Variants in IQCM observed in about 807,000 individuals in gnomAD.
The protein encoded by IQCM is IQ domain-containing protein M.
IQCM carries 45 observed loss-of-function variants against 57.6 expected under a neutral mutation model. The ratio of observed to expected loss-of-function variants is 0.78; its 90% CI spans 0.62 to 1.00. The LOEUF (loss-of-function observed/expected upper bound fraction) is 1.00, where lower values mean the gene tolerates loss of function less well. Ranked by LOEUF, IQCM falls within the 50% of genes least tolerant of loss-of-function variation. The pLI, the probability that IQCM is intolerant of heterozygous loss-of-function variation, is 0.00. For synonymous variants in IQCM, 148 were observed against 158.9 expected (o/e 0.93, Z 0.51); for missense variants, 468 against 511.6 (o/e 0.91, Z 0.82).
At chr4:149,522,313 C>T (rs1410856935) in intron 12 of IQCM, among the ~76,000 whole-genome samples, 3 of 152,012 alleles carry the variant, frequency 2.0e-5, no homozygotes, top group Non-Finnish European at 4.4e-5. Context: ...ATATAAAGGA[C>T]CATAAGTATG....
chr4:149,407,225 T>A (rs1490374014), intron 13 of IQCM, among the ~76,000 whole-genome samples: 1 of 152,130 alleles, frequency 6.6e-6, no homozygotes, highest in African/African-American at 2.4e-5. Context: ...AAGGTGGGAT[T>A]TGGGTCCAGC....
At chr4:149,759,990 T>C (rs1285566443) in intron 2 of IQCM, among the ~76,000 whole-genome samples, 2 of 148,710 alleles carry the variant, frequency 1.3e-5, no homozygotes, top group African/African-American at 5.0e-5. Flanking sequence ...ACAAAATGTA[T>C]AAACCTCTAG....
At chr4:149,638,169 T>C (rs1401656437) in intron 7 of IQCM, among the ~76,000 whole-genome samples, 1 of 152,072 alleles carries the variant, frequency 6.6e-6, no homozygotes, top group Non-Finnish European at 1.5e-5. Context: ...AAAATATGCA[T>C]GTGAGAAAGT....
chr4:149,581,599 T>G (rs972902365), intron 9 of IQCM, among the ~76,000 whole-genome samples: 1 of 151,600 alleles, frequency 6.6e-6, no homozygotes. Context: ...CTCGAATCAG[T>G]ATGAGTTATT....
At chr4:149,726,139 GA>G (rs1308034066) in intron 5 of IQCM, among the ~76,000 whole-genome samples, 66 of 127,020 alleles carry the variant, frequency 5.2e-4, no homozygotes, top group Non-Finnish European at 7.2e-4. Flanking sequence ...AAGAAAGAAA[GA>G]AAAGAAAGAA....
At chr4:149,379,265 A>G (rs1730911037) in intron 13 of IQCM, among the ~76,000 whole-genome samples, 1 of 152,190 alleles carries the variant, frequency 6.6e-6, no homozygotes, top group Admixed American at 6.5e-5. Flanking sequence ...GGCACTGCCT[A>G]GTGGAGCTGT....
chr4:149,472,101 G>A (rs1168714261), intron 12 of IQCM, among the ~76,000 whole-genome samples: 2 of 152,148 alleles, frequency 1.3e-5, no homozygotes, highest in African/African-American at 2.4e-5. Flanking sequence ...ATTTAACATA[G>A]TGTTGGAAGT....
chr4:149,690,076 A>G (rs1762836721), intron 5 of IQCM, among the ~76,000 whole-genome samples: 1 of 152,190 alleles, frequency 6.6e-6, no homozygotes, highest in Non-Finnish European at 1.5e-5. Context: ...TACCCAAAGG[A>G]AAAGAAGTCA....
In IQCM at chr4:149,549,970, T is replaced by G. The variant is rs573008244; in HGVS notation, c.1094-1381A>C. Among the ~76,000 whole-genome samples the G allele has an allele frequency of 1.3e-4, 20 of 152,374 alleles. No individual in the cohort carries two copies. The South Asian group carries it at 2.5e-3, about 19-fold the overall frequency. Reference sequence around the variant, plus strand: ...TATATTTAGTGTATTTATGGCTATTTGTCTCTTTTGAAATAAGCAAACTAG... The same window carrying G: ...TATATTTAGTGTATTTATGGCTATTGGTCTCTTTTGAAATAAGCAAACTAG... On this transcript the variant is annotated intron_variant, in intron 11 of 13. Transcript: ENST00000636793.
chr4:149,565,882 G>A (rs564684082), intron 9 of IQCM, among the ~76,000 whole-genome samples: 3 of 152,120 alleles, frequency 2.0e-5, no homozygotes, highest in South Asian at 2.1e-4. Flanking sequence ...TTGTATCAGT[G>A]GCTGATTCAT....
At chr4:149,435,104 G>C (rs1391977413) in intron 12 of IQCM, among the ~76,000 whole-genome samples, 1 of 152,070 alleles carries the variant, frequency 6.6e-6, no homozygotes, top group Non-Finnish European at 1.5e-5. Context: ...ATCTGCTCTT[G>C]TCAATTATTA....
chr4:149,610,891 C>T (rs1333715112), intron 8 of IQCM, among the ~76,000 whole-genome samples: 1 of 152,056 alleles, frequency 6.6e-6, no homozygotes, highest in African/African-American at 2.4e-5. Flanking sequence ...AGTTAAAAAG[C>T]TGCTTCACAG....
chr4:149,747,034 C>T (rs1561228144), intron 2 of IQCM, among the ~76,000 whole-genome samples: 1 of 152,212 alleles, frequency 6.6e-6, no homozygotes, highest in Non-Finnish European at 1.5e-5. Context: ...TATAAGCCCC[C>T]TTCCACTTTT....
At chr4:149,520,800 T>C (rs904727325) in intron 12 of IQCM, among the ~76,000 whole-genome samples, 5 of 152,094 alleles carry the variant, frequency 3.3e-5, no homozygotes, top group African/African-American at 1.2e-4. Flanking sequence ...CTCCAGAAGA[T>C]ATACCACATA....
chr4:149,391,376 T>C (rs541571819), intron 13 of IQCM, among the ~76,000 whole-genome samples: 1 of 151,912 alleles, frequency 6.6e-6, no homozygotes, highest in Non-Finnish European at 1.5e-5. Context: ...AATTTGAGTC[T>C]TTTTTTCTTT....
At chr4:149,559,839 G>T (rs980962330) in intron 10 of IQCM, among the ~76,000 whole-genome samples, 1 of 152,214 alleles carries the variant, frequency 6.6e-6, no homozygotes, top group Non-Finnish European at 1.5e-5. Flanking sequence ...AGCAGGAGGT[G>T]AATTGTGGGT....
chr4:149,672,866 G>A (rs955538174), intron 7 of IQCM, among the ~76,000 whole-genome samples: 5 of 152,132 alleles, frequency 3.3e-5, no homozygotes, highest in Non-Finnish European at 5.9e-5. Flanking sequence ...AATGTTAAGG[G>A]CAGCCAGAGA....
At chr4:149,712,814 T>C (rs1356773528) in intron 5 of IQCM, among the ~76,000 whole-genome samples, 3 of 152,214 alleles carry the variant, frequency 2.0e-5, no homozygotes, top group African/African-American at 7.2e-5. Context: ...AAGAAATCCA[T>C]GTCCCTGGAG....
chr4:149,362,095 T>G (rs894781802), intron 13 of IQCM, among the ~76,000 whole-genome samples: 1 of 152,168 alleles, frequency 6.6e-6, no homozygotes, highest in African/African-American at 2.4e-5. Context: ...CACTGGATTT[T>G]GGACTTGCAT....
Sources: allele counts gnomAD v4.1 joint callset (sites outside exome capture counted in the v4.1 genomes callset), GRCh38; gene constraint gnomAD v4.1.1; transcripts MANE v1.5; gene names NCBI Gene and HGNC (gene_info 2026-07-23, HGNC 2026-07-21).